The following CDH8 variants were observed in gnomAD, a reference collection of about 807,000 sequenced individuals.
CDH8 encodes cadherin-8.
In CDH8, 17 loss-of-function variants were observed where a neutral mutation model predicts 68.1. That is an observed-to-expected ratio of 0.25 (90% CI 0.17 to 0.37). CDH8 has a LOEUF of 0.37. CDH8 is among the 10% of genes least tolerant of loss of function. CDH8 has a pLI of 1.00. For missense variants in CDH8, 763 were observed against 999.3 expected, an observed-to-expected ratio of 0.76 and a Z score of 3.19; for synonymous variants, 372 against 365.1, an observed-to-expected ratio of 1.02 and a Z score of -0.21.
intron 4 of CDH8, among the ~76,000 whole-genome samples, chr16:61,829,089 T>C (rs1175367734): frequency 6.6e-6 from 1 of 151,838 alleles, no homozygotes; most frequent in Non-Finnish European, 1.5e-5. Context: ...TCCTTTACTT[T>C]CTGGCTTTTT....
chr16:61,717,570 A>G (rs2142874824), intron 9 of CDH8, among the ~76,000 whole-genome samples: 1 of 151,722 alleles, frequency 6.6e-6, no homozygotes, highest in African/African-American at 2.4e-5. Context: ...GCAGAATATC[A>G]CTGCCATTAT....
At chr16:62,019,810 G>A (rs1597130054) in intron 2 of CDH8, among the ~76,000 whole-genome samples, 1 of 152,206 alleles carries the variant, frequency 6.6e-6, no homozygotes, top group East Asian at 1.9e-4. Flanking sequence ...TATACTGAAG[G>A]GGGGCTATTG....
At chr16:61,841,694 T>C (rs1962687100) in intron 4 of CDH8, among the ~76,000 whole-genome samples, 1 of 152,154 alleles carries the variant, frequency 6.6e-6, no homozygotes. Context: ...ACTCAAAGGA[T>C]AAATGCTTGA....
intron 2 of CDH8, among the ~76,000 whole-genome samples, chr16:61,953,679 G>A (rs919393528): frequency 1.3e-5 from 2 of 151,152 alleles, no homozygotes; most frequent in Non-Finnish European, 2.9e-5. Context: ...ACCAGCCTGG[G>A]CAACTTGGCA....
At chr16:61,830,352 G>A (rs539242774) in intron 4 of CDH8, among the ~76,000 whole-genome samples, 1 of 151,904 alleles carries the variant, frequency 6.6e-6, no homozygotes, top group South Asian at 2.1e-4. Context: ...TCAGATTTGA[G>A]AAGTCAAAAG....
chr16:61,789,619 T>G, intron 7 of CDH8, 137 bp from the exon 8 acceptor site: 1 of 798,616 alleles, frequency 1.3e-6, no homozygotes. Flanking sequence ...TCATAATTTA[T>G]AAAACAAAAA....
chr16:61,995,314 C>G (rs942300728), intron 2 of CDH8, among the ~76,000 whole-genome samples: 2 of 152,124 alleles, frequency 1.3e-5, no homozygotes, highest in African/African-American at 4.8e-5. Context: ...CACAAAAGAT[C>G]ATCTAATTCT....
At chr16:61,830,974 G>T (rs1962442158) in intron 4 of CDH8, among the ~76,000 whole-genome samples, 1 of 151,706 alleles carries the variant, frequency 6.6e-6, no homozygotes. Flanking sequence ...TTCATAATCA[G>T]CTAGCCTTGG....
chr16:61,917,161 T>C (rs754156284), intron 2 of CDH8, among the ~76,000 whole-genome samples: 10 of 149,502 alleles, frequency 6.7e-5, no homozygotes, highest in Non-Finnish European at 1.3e-4. Flanking sequence ...GGAGAGAGGA[T>C]GGAAGGATGG....
chr16:61,788,635 G>C (rs1183905973), intron 8 of CDH8, among the ~76,000 whole-genome samples: 1 of 151,826 alleles, frequency 6.6e-6, no homozygotes. Context: ...TCACCATATA[G>C]CTATTGTTTA....
chr16:61,854,662 A>G (rs902417007), intron 4 of CDH8, among the ~76,000 whole-genome samples: 1 of 152,152 alleles, frequency 6.6e-6, no homozygotes, highest in African/African-American at 2.4e-5. Flanking sequence ...TTTGCTTTCC[A>G]TATGCTTACA....
At chr16:61,994,744 C>G (rs1965781289) in intron 2 of CDH8, among the ~76,000 whole-genome samples, 2 of 76,272 alleles carry the variant, frequency 2.6e-5, no homozygotes, top group Admixed American at 3.2e-4. Flanking sequence ...GCCCACTGTA[C>G]CTGCTTTAAC....
At chr16:61,903,281 G>T (rs1307991210) in intron 2 of CDH8, among the ~76,000 whole-genome samples, 1 of 152,172 alleles carries the variant, frequency 6.6e-6, no homozygotes, top group Non-Finnish European at 1.5e-5. Flanking sequence ...TTAACTAAGA[G>T]AAGTAACTAA....
At chr16:61,902,456 G>A (rs1029576337) in intron 2 of CDH8, among the ~76,000 whole-genome samples, 1 of 151,716 alleles carries the variant, frequency 6.6e-6, no homozygotes, top group Non-Finnish European at 1.5e-5. Flanking sequence ...ATGTATTTGG[G>A]GGTTTGAATT....
intron 2 of CDH8, among the ~76,000 whole-genome samples, chr16:61,985,888 A>G (rs866362565): frequency 1.5e-4 from 23 of 148,542 alleles, no homozygotes; most frequent in African/African-American, 5.2e-4. Context: ...ATATACATAC[A>G]TAATATCTGT....
At chr16:61,958,946 G>A (rs1163050015) in intron 2 of CDH8, among the ~76,000 whole-genome samples, 2 of 152,040 alleles carry the variant, frequency 1.3e-5, no homozygotes, top group South Asian at 2.1e-4. Context: ...CTGCCTTAGA[G>A]ACCGTACAAA....
chr16:62,024,844 A>G (rs1280122953), intron 1 of CDH8, among the ~76,000 whole-genome samples: 1 of 152,214 alleles, frequency 6.6e-6, no homozygotes, highest in Non-Finnish European at 1.5e-5. Context: ...TAAGTAATGT[A>G]ATTTCAAAAT....
At chr16:61,913,378 T>A (rs1033780697) in intron 2 of CDH8, among the ~76,000 whole-genome samples, 3 of 152,138 alleles carry the variant, frequency 2.0e-5, no homozygotes, top group Non-Finnish European at 4.4e-5. Context: ...TCTAGATTAT[T>A]TAAAATATAC....
At chr16:61,864,232 C>A (rs1459447630) in intron 3 of CDH8, among the ~76,000 whole-genome samples, 1 of 152,092 alleles carries the variant, frequency 6.6e-6, no homozygotes, top group Non-Finnish European at 1.5e-5. Context: ...TCTGTACTGA[C>A]TGTCACATAT....
Sources: gnomAD v4.1 joint callset for allele counts (sites outside exome capture counted in the v4.1 genomes callset) on GRCh38, gnomAD v4.1.1 for gene constraint, MANE v1.5 for transcripts, NCBI Gene and HGNC (gene_info 2026-07-23, HGNC 2026-07-21) for gene names.